The following ACTN4 variants were observed in gnomAD, a reference collection of about 807,000 sequenced individuals.
The protein encoded by ACTN4 is alpha-actinin-4.
In ACTN4, 18 loss-of-function variants were observed where a neutral mutation model predicts 114.2. That is an observed-to-expected ratio of 0.16 (90% CI 0.11 to 0.23). The LOEUF (loss-of-function observed/expected upper bound fraction) is 0.23, where lower values mean the gene tolerates loss of function less well. Among genes scored for constraint, ACTN4 ranks in the 10% least tolerant of loss-of-function variants. The pLI is 1.00. For synonymous variants in ACTN4, 515 were observed against 506.3 expected (o/e 1.02, Z -0.23); for missense variants, 722 against 1,262.9 (o/e 0.57, Z 6.49).
intron 1 of ACTN4, among the ~76,000 whole-genome samples, chr19:38,691,692 C>T (rs1599806224): frequency 6.6e-6 from 1 of 152,166 alleles, no homozygotes; most frequent in East Asian, 1.9e-4. Context: ...TACCTGAGAT[C>T]AGGAGTTCGA....
At chr19:38,695,705 G>A (rs1339495132) in intron 1 of ACTN4, among the ~76,000 whole-genome samples, 1 of 152,054 alleles carries the variant, frequency 6.6e-6, no homozygotes, top group African/African-American at 2.4e-5. Context: ...GAGGGCTTTG[G>A]CACATGCTCT....
At chr19:38,675,494 A>T (rs1336285906) in intron 1 of ACTN4, among the ~76,000 whole-genome samples, 1 of 152,202 alleles carries the variant, frequency 6.6e-6, no homozygotes, top group Non-Finnish European at 1.5e-5. Flanking sequence ...TTGGTCTCCC[A>T]AAGTGTTAGG....
chr19:38,666,050 T>C (rs552515098), intron 1 of ACTN4, among the ~76,000 whole-genome samples: 39 of 152,136 alleles, frequency 2.6e-4, no homozygotes, highest in Non-Finnish European at 5.0e-4. Flanking sequence ...TGTGCCCAGC[T>C]GCCGACCTGG....
At position 38,727,224 on chromosome 19, in the gene ACTN4, C is replaced by T; in HGVS notation, c.2337+121C>T. 2.0e-6 allele frequency: 3 copies of T among 1,476,868 alleles called. No homozygotes were observed. The highest frequency in any genetic ancestry group is 2.8e-6 in the Non-Finnish European group (3 of 1,080,184). 91.5% of individuals were successfully genotyped at this position (1,476,868 alleles called of 1,614,324 possible). A position where few individuals can be genotyped will look rare whatever the true frequency, so the allele number is the denominator to read the frequency against. ...AGTTGCTGAGCGTCGGCCGCCACTCCCAGGGCCAGCAGGGCCCTGCCACTG... is the reference window on the plus strand; with the variant it reads ...AGTTGCTGAGCGTCGGCCGCCACTCTCAGGGCCAGCAGGGCCCTGCCACTG... On this transcript the variant is annotated intron_variant, in intron 18 of 20. Transcript: ENST00000252699. This position sits in a 1 kb window ranked among gnomAD's most constrained non-coding sequence, Gnocchi z 5.4.
chr19:38,672,118 G>A (rs757838988), intron 1 of ACTN4, among the ~76,000 whole-genome samples: 7 of 152,050 alleles, frequency 4.6e-5, no homozygotes, highest in African/African-American at 9.7e-5. Context: ...AGAGTTTCTC[G>A]CTCTCCCTGG....
At chr19:38,719,352 C>G (rs3786850) in intron 11 of ACTN4, among the ~76,000 whole-genome samples, 3,190 of 152,374 alleles carry the variant, frequency 0.021, 141 homozygotes, top group South Asian at 0.15. Context: ...CACCCCTCCC[C>G]ACCCTGGCCC....
chr19:38,661,740 C>T (rs1976892821), intron 1 of ACTN4, among the ~76,000 whole-genome samples: 1 of 152,210 alleles, frequency 6.6e-6, no homozygotes, highest in Admixed American at 6.5e-5. Context: ...GCAAGCTCCA[C>T]CTCCCAGGTT....
At chr19:38,719,095 C>T (rs1968945978) in intron 11 of ACTN4, among the ~76,000 whole-genome samples, 1 of 152,254 alleles carries the variant, frequency 6.6e-6, no homozygotes, top group South Asian at 2.1e-4. Context: ...AGCTGCCTGG[C>T]CGTTGGCTCC....
intron 1 of ACTN4, among the ~76,000 whole-genome samples, chr19:38,673,508 AAT>A (rs1334762708): frequency 3.1e-5 from 2 of 65,154 alleles, no homozygotes; most frequent in Non-Finnish European, 6.0e-5. Flanking sequence ...TATATATATG[AAT>A]ATATATTTAT....
intron 1 of ACTN4, among the ~76,000 whole-genome samples, chr19:38,670,494 G>A (rs1348183156): frequency 6.6e-6 from 1 of 152,174 alleles, no homozygotes; most frequent in African/African-American, 2.4e-5. Context: ...TAGGTGAGGT[G>A]ACAAAATGGA....
At chr19:38,687,416 A>C (rs181875847) in intron 1 of ACTN4, among the ~76,000 whole-genome samples, 2 of 152,228 alleles carry the variant, frequency 1.3e-5, no homozygotes, top group Non-Finnish European at 2.9e-5. Context: ...CCTTGAGGGA[A>C]TCTGTCTCAT....
intron 3 of ACTN4, among the ~76,000 whole-genome samples, chr19:38,704,452 A>C (rs1392476796): frequency 6.6e-6 from 1 of 152,268 alleles, no homozygotes; most frequent in Non-Finnish European, 1.5e-5. Flanking sequence ...ACAGATTCAC[A>C]ATAAACAATA....
At chr19:38,654,892 G>A (rs1976669450) in intron 1 of ACTN4, among the ~76,000 whole-genome samples, 2 of 152,132 alleles carry the variant, frequency 1.3e-5, no homozygotes, top group African/African-American at 4.8e-5. Flanking sequence ...TTTCTTGGTT[G>A]TGATTTATGC....
At chr19:38,680,253 G>A (rs1967521648) in intron 1 of ACTN4, among the ~76,000 whole-genome samples, 2 of 129,804 alleles carry the variant, frequency 1.5e-5, no homozygotes, top group Admixed American at 9.1e-5. Flanking sequence ...TTTAAAGTCA[G>A]AGTCTCACTC....
At chr19:38,690,869 C>T (rs1427287125) in intron 1 of ACTN4, among the ~76,000 whole-genome samples, 1 of 152,086 alleles carries the variant, frequency 6.6e-6, no homozygotes, top group Non-Finnish European at 1.5e-5. Context: ...ATTGATTCTC[C>T]AAATTATGTA....
At chr19:38,673,871 C>G (rs1415885984) in intron 1 of ACTN4, among the ~76,000 whole-genome samples, 1 of 144,516 alleles carries the variant, frequency 6.9e-6, no homozygotes, top group Non-Finnish European at 1.5e-5. Context: ...CAACCTCTGC[C>G]TCCCAGGTTC....
intron 3 of ACTN4, among the ~76,000 whole-genome samples, chr19:38,701,488 C>T (rs1196450572): frequency 6.6e-6 from 1 of 152,250 alleles, no homozygotes. Context: ...CATGGCCTCT[C>T]TCTGTACCAG....
At chr19:38,655,548 G>A (rs1014120703) in intron 1 of ACTN4, among the ~76,000 whole-genome samples, 18 of 152,306 alleles carry the variant, frequency 1.2e-4, no homozygotes, top group African/African-American at 4.1e-4. Context: ...GAGGTGGGCA[G>A]GGCAGCACCT....
At chr19:38,723,875 C>T in intron 13 of ACTN4, 62 bp from the exon 14 acceptor site, 3 of 1,588,300 alleles carry the variant, frequency 1.9e-6, no homozygotes, top group Admixed American at 1.7e-5. Flanking sequence ...CTCCCCACCC[C>T]TCCTGCTCAC....
Sources: allele counts gnomAD v4.1 joint callset (sites outside exome capture counted in the v4.1 genomes callset), GRCh38; gene constraint gnomAD v4.1.1; non-coding constraint Gnocchi (gnomAD v3.1); transcripts MANE v1.5; gene names NCBI Gene and HGNC (gene_info 2026-07-23, HGNC 2026-07-21).